FARP2: variants seen among roughly 807,000 people sequenced by gnomAD.
The protein encoded by FARP2 is FERM, ARH/RhoGEF and pleckstrin domain protein 2.
In FARP2, 111 loss-of-function variants were observed where a neutral mutation model predicts 130.5. That is an observed-to-expected ratio of 0.85 (90% CI 0.73 to 1.00). The LOEUF (loss-of-function observed/expected upper bound fraction) is 1.00. Among genes scored for constraint, FARP2 ranks in the 50% least tolerant of loss-of-function variants. The pLI is 0.00. For missense variants in FARP2, 1,385 were observed against 1,346.3 expected (o/e 1.03, Z -0.45); for synonymous variants, 504 against 516.9 (o/e 0.98, Z 0.34).
chr2:241,408,702 AAG>A (rs1306093209), intron 5 of FARP2, among the ~76,000 whole-genome samples: 2 of 152,224 alleles, frequency 1.3e-5, no homozygotes, highest in Non-Finnish European at 2.9e-5. Context: ...TTAGATATAA[AAG>A]AGAACTATGA....
At chr2:241,363,110 C>T (rs1193146057) in intron 1 of FARP2, among the ~76,000 whole-genome samples, 1 of 152,226 alleles carries the variant, frequency 6.6e-6, no homozygotes, top group East Asian at 1.9e-4. Context: ...TAGTGAGTTT[C>T]TTGTCTTCCC....
At chr2:241,386,097 A>C (rs1381285456) in intron 2 of FARP2, among the ~76,000 whole-genome samples, 1 of 152,066 alleles carries the variant, frequency 6.6e-6, no homozygotes, top group Non-Finnish European at 1.5e-5. Flanking sequence ...GCTTGCTTTG[A>C]TTTGATTTTT....
chr2:241,493,516 G>A (rs1417820789), intron 26 of FARP2, 72 bp downstream of exon 26: 1 of 1,476,696 alleles, frequency 6.8e-7, no homozygotes, highest in South Asian at 1.2e-5. Flanking sequence ...TCTACTCATG[G>A]TGGTGGAGGC....
chr2:241,494,073 G>GC lies in FARP2; in HGVS notation c.3118dup (p.Gln1040ProfsTer143), dbSNP rs754634487. 1.4e-6 allele frequency: 2 copies of GC among 1,445,372 alleles called. No individual in the cohort carries two copies. Among genetic ancestry groups the GC allele is most frequent in the African/African-American group, 3.0e-5 (2 of 67,284 alleles). 89.5% of individuals were successfully genotyped at this position (1,445,372 alleles called of 1,614,324 possible). On this transcript the variant is annotated frameshift_variant, in exon 27 of 27. Transcript: ENST00000264042. LOFTEE classifies it low-confidence loss of function (END_TRUNC). This position sits in a 1 kb window ranked among gnomAD's most constrained non-coding sequence, Gnocchi z 4.9. ...AGGGCCCCAAGCATCGTGCAGGATGGCCCCCAACCCTCCTCAGGGCTGGAG... is the reference window on the plus strand; with the variant it reads ...AGGGCCCCAAGCATCGTGCAGGATGGCCCCCCAACCCTCCTCAGGGCTGGAG...
At chr2:241,440,332 G>A (rs898955741) in intron 12 of FARP2, among the ~76,000 whole-genome samples, 9 of 152,310 alleles carry the variant, frequency 5.9e-5, no homozygotes, top group South Asian at 2.1e-4. Flanking sequence ...CCGTGATAGC[G>A]CGCGAGGAGT....
chr2:241,437,879 A>G (rs1167192958), intron 12 of FARP2, among the ~76,000 whole-genome samples: 1 of 151,940 alleles, frequency 6.6e-6, no homozygotes, highest in East Asian at 1.9e-4. Context: ...GTCAGCCAGG[A>G]TGGTCTTGAT....
intron 17 of FARP2, chr2:241,466,656 C>T (rs374167604): frequency 1.1e-5 from 11 of 966,872 alleles, no homozygotes; most frequent in Non-Finnish European, 1.2e-5. Flanking sequence ...CCCCAGGCAG[C>T]GGGCCAGCCC....
At position 241,459,010 on chromosome 2, in the gene FARP2, G is replaced by A. The variant is rs1178953682; in HGVS notation, c.1587+2088G>A. Among the ~76,000 whole-genome samples the A allele has an allele frequency of 6.6e-6, 1 of 152,264 alleles. No homozygotes were observed. The highest frequency in any genetic ancestry group is 2.4e-5 in the African/African-American group (1 of 41,468). On this transcript the variant is annotated intron_variant, in intron 14 of 26. Coordinates refer to ENST00000264042, the MANE Select transcript of FARP2 (RefSeq NM_014808.4). This position sits in a 1 kb window ranked among gnomAD's most constrained non-coding sequence, Gnocchi z 5.3. The stretch of plus-strand genomic sequence containing the variant: ...CAGCCCCTGCGTGTGGGCACCCTCA[G>A]CCCTGACGTGGTGTCTCCTGTTGCC...
At position 241,441,446 on chromosome 2, in the gene FARP2, T is replaced by A; in HGVS notation, c.1301T>A (p.Val434Asp). ...DSSSSLTDPQ[V>D]SYVKSPAAER... ...AGCAGCTCCCTCACAGATCCCCAGG[T>A]TTCCTACGTCAAGAGTCCAGCTGCA... Residue 434 changes from valine (V) to aspartate (D), a missense_variant, in exon 13 of 27, where the codon GTT (valine) becomes GAT (aspartate). By Grantham distance (152) the Val-to-Asp change is radical. Transcript: ENST00000264042. 6.2e-7 allele frequency: 1 copy of A among 1,614,108 alleles called. No individual in the cohort carries two copies.
At chr2:241,466,207 TC>T (rs559336046) in intron 17 of FARP2, 1 of 985,242 alleles carries the variant, frequency 1.0e-6, no homozygotes, top group Non-Finnish European at 1.2e-6. Context: ...AGGTCAGTTT[TC>T]CCCCAGAGCC....
At chr2:241,421,937 A>G (rs954193584) in intron 8 of FARP2, among the ~76,000 whole-genome samples, 1 of 152,142 alleles carries the variant, frequency 6.6e-6, no homozygotes, top group Non-Finnish European at 1.5e-5. Flanking sequence ...TGAGGTCAGG[A>G]GTTCAAGACC....
At chr2:241,427,966 C>T (rs2062992229) in intron 8 of FARP2, among the ~76,000 whole-genome samples, 1 of 152,048 alleles carries the variant, frequency 6.6e-6, no homozygotes, top group Non-Finnish European at 1.5e-5. Flanking sequence ...CGGGGTTTCA[C>T]TGTGTTAGCC....
intron 8 of FARP2, among the ~76,000 whole-genome samples, chr2:241,420,661 C>T (rs915864534): frequency 6.6e-6 from 1 of 152,198 alleles, no homozygotes; most frequent in Non-Finnish European, 1.5e-5. Flanking sequence ...TGTCTCCTAC[C>T]TGGTCTGCAC....
intron 6 of FARP2, among the ~76,000 whole-genome samples, chr2:241,412,970 G>A (rs1315178841): frequency 6.6e-6 from 1 of 152,202 alleles, no homozygotes; most frequent in Non-Finnish European, 1.5e-5. Flanking sequence ...TGAGGCTGCA[G>A]TGAGTAGTGA....
intron 19 of FARP2, among the ~76,000 whole-genome samples, 196 bp from the exon 20 acceptor site, chr2:241,483,269 C>T (rs2064662000): frequency 6.6e-6 from 1 of 152,244 alleles, no homozygotes; most frequent in Non-Finnish European, 1.5e-5. Context: ...TTTGTTGGCA[C>T]CAAGACAGGA....
chr2:241,357,791 T>C (rs1162502806), intron 1 of FARP2, among the ~76,000 whole-genome samples: 1 of 152,210 alleles, frequency 6.6e-6, no homozygotes, highest in African/African-American at 2.4e-5. Flanking sequence ...GGACTATCAG[T>C]CGTTAGTAAA....
chr2:241,429,860 A>G (rs1290902110), intron 8 of FARP2, among the ~76,000 whole-genome samples: 2 of 152,238 alleles, frequency 1.3e-5, no homozygotes, highest in Non-Finnish European at 2.9e-5. Flanking sequence ...AGACAGGATG[A>G]TTGCTTAAGC....
chr2:241,401,825 C>T (rs1165706238), intron 2 of FARP2, among the ~76,000 whole-genome samples: 6 of 151,884 alleles, frequency 4.0e-5, no homozygotes, highest in South Asian at 4.2e-4. Context: ...GCTCGTCGCC[C>T]AGGCTGGAGT....
intron 18 of FARP2, among the ~76,000 whole-genome samples, chr2:241,474,867 T>C (rs2064417163): frequency 6.6e-6 from 1 of 151,980 alleles, no homozygotes; most frequent in African/African-American, 2.4e-5. Context: ...GTGGTCCCCA[T>C]GAGTGATTCC....
Sources: allele counts gnomAD v4.1 joint callset (sites outside exome capture counted in the v4.1 genomes callset), GRCh38; gene constraint gnomAD v4.1.1; non-coding constraint Gnocchi (gnomAD v3.1); transcripts MANE v1.5; gene names NCBI Gene and HGNC (gene_info 2026-07-23, HGNC 2026-07-21).